The following DGLUCY variants were observed in gnomAD, a reference collection of about 807,000 sequenced individuals.
The protein encoded by DGLUCY is D-glutamate cyclase, mitochondrial.
Under a neutral mutation model 58.5 loss-of-function variants are expected in DGLUCY, and 58 were observed. The observed-to-expected ratio is 0.99, with a 90% CI of 0.80 to 1.23. DGLUCY has a LOEUF of 1.23. Ranked by LOEUF, DGLUCY falls within the 50% of genes most tolerant of loss-of-function variation. The pLI is 0.00. For missense variants in DGLUCY, 779 were observed against 784.7 expected (o/e 0.99, Z 0.09); for synonymous variants, 325 against 314.1 (o/e 1.03, Z -0.37).
chr14:91,149,035 G>A (rs2140291480), intron 1 of DGLUCY, among the ~76,000 whole-genome samples: 1 of 152,250 alleles, frequency 6.6e-6, no homozygotes, highest in South Asian at 2.1e-4. Context: ...ATCACCTGAG[G>A]TGGGGAGTTT....
Position 91,199,920 on chromosome 14 carries a change from CT to C in DGLUCY, c.1444+16del. 6.2e-7 allele frequency: 1 copy of C among 1,613,956 alleles called. No homozygotes were observed. Among genetic ancestry groups the C allele is most frequent in the Non-Finnish European group, 8.5e-7 (1 of 1,179,866 alleles). ...CTCATCAACTGGTAAGTATGGAGTA[CT>C]GGGGATGCACCAAGAACGTGGCCCC... On this transcript the variant is annotated intron_variant, in intron 11 of 13. Coordinates refer to ENST00000256324, the MANE Select transcript of DGLUCY (RefSeq NM_001102368.3).
At chr14:91,116,813 A>G (rs1468620435) in intron 1 of DGLUCY, among the ~76,000 whole-genome samples, 6 of 152,120 alleles carry the variant, frequency 3.9e-5, no homozygotes, top group South Asian at 2.1e-4. Context: ...GTGTGGTGGT[A>G]TGCACCTGTA....
intron 3 of DGLUCY, among the ~76,000 whole-genome samples, chr14:91,166,195 G>A (rs1032447670): frequency 1.3e-5 from 2 of 152,188 alleles, no homozygotes; most frequent in African/African-American, 4.8e-5. Context: ...GGTTACATGG[G>A]TGCATTCATT....
upstream of DGLUCY, among the ~76,000 whole-genome samples, chr14:91,111,200 ATATGTGTGTGTGTGTGTGTGTGTG>A (rs1425198174): frequency 6.3e-5 from 5 of 79,122 alleles, no homozygotes; most frequent in African/African-American, 1.5e-4. Flanking sequence ...TTATTTATAT[ATATGTGTGTGTGTGTGTGTGTGTG>A]TGTGTGTGTG....
chr14:91,080,663 G>A (rs114288669), intron 1 of DGLUCY, among the ~76,000 whole-genome samples: 2,685 of 151,798 alleles, frequency 0.018, 60 homozygotes, highest in African/African-American at 0.062. Context: ...GCCACCACAC[G>A]CAGCCCCAGA....
At chr14:91,192,299 C>T (rs541376122) in intron 9 of DGLUCY, among the ~76,000 whole-genome samples, 7 of 151,774 alleles carry the variant, frequency 4.6e-5, no homozygotes, top group African/African-American at 1.7e-4. Context: ...AGTAGGCAAA[C>T]TCATAGGGCA....
At chr14:91,150,298 G>T (rs981879647) in intron 1 of DGLUCY, among the ~76,000 whole-genome samples, 1 of 149,418 alleles carries the variant, frequency 6.7e-6, no homozygotes, top group Admixed American at 6.7e-5. Flanking sequence ...CAATATTAGC[G>T]CCTTCCTGTG....
At chr14:91,192,921 C>T (rs1244409916) in intron 9 of DGLUCY, among the ~76,000 whole-genome samples, 1 of 152,134 alleles carries the variant, frequency 6.6e-6, no homozygotes, top group Non-Finnish European at 1.5e-5. Context: ...ATTAGACACA[C>T]AGTGGAGAAG....
rs149088689 is a variant in DGLUCY, at chr14:91,172,866, C to T, written c.457-423C>T. Reference sequence around the variant, plus strand: ...TTCACCATGCTGGCCAGGCTGGTCTCGAACTCCTGACCTCGTGATCCGCCC... The same window carrying T: ...TTCACCATGCTGGCCAGGCTGGTCTTGAACTCCTGACCTCGTGATCCGCCC... On this transcript the variant is annotated intron_variant, in intron 5 of 13. Transcript: ENST00000256324. 4.9e-3 allele frequency among the ~76,000 whole-genome samples: 746 copies of T among 152,200 alleles called. 4 individuals are homozygous for T. The highest frequency in any genetic ancestry group is 0.016 in the African/African-American group (657 of 41,532).
rs562305191 is a variant in DGLUCY at position 91,123,509 on chromosome 14, G to C, written c.-82+9226G>C. The stretch of plus-strand genomic sequence containing the variant: ...TAAAAAAAAAAAGAATGAACTGTAT[G>C]CTTCCAGAAACGTTAAACTCTCACT... On this transcript the variant is annotated intron_variant, in intron 1 of 13. Coordinates refer to ENST00000256324, the MANE Select transcript of DGLUCY (RefSeq NM_001102368.3). 2.6e-5 allele frequency among the ~76,000 whole-genome samples: 4 copies of C among 151,912 alleles called. 1 individual carries two copies. The highest frequency in any genetic ancestry group is 9.7e-5 in the African/African-American group (4 of 41,408).
upstream of DGLUCY, among the ~76,000 whole-genome samples, chr14:91,105,141 C>G (rs1027140009): frequency 3.9e-5 from 6 of 152,110 alleles, no homozygotes; most frequent in East Asian, 1.9e-4. Flanking sequence ...ATGTTGAAAC[C>G]CTGTCTCTAC....
intron 1 of DGLUCY, among the ~76,000 whole-genome samples, chr14:91,101,087 A>G (rs543512753): frequency 6.6e-6 from 1 of 152,222 alleles, no homozygotes; most frequent in Admixed American, 6.5e-5. Flanking sequence ...AAAAAAAATT[A>G]TTTTATTGTG....
At chr14:91,079,423 C>T (rs989276101) in intron 1 of DGLUCY, among the ~76,000 whole-genome samples, 1 of 149,300 alleles carries the variant, frequency 6.7e-6, no homozygotes, top group South Asian at 2.1e-4. Context: ...GGTGCAGTCT[C>T]GCTCACTGCA....
At chr14:91,068,338 G>A (rs1181380917) in intron 1 of DGLUCY, among the ~76,000 whole-genome samples, 4 of 152,148 alleles carry the variant, frequency 2.6e-5, no homozygotes, top group African/African-American at 9.7e-5. Context: ...AGATTTCAGA[G>A]GGATGCGCAT....
upstream of DGLUCY, among the ~76,000 whole-genome samples, chr14:91,111,563 G>A (rs2140099630): frequency 6.6e-6 from 1 of 152,282 alleles, no homozygotes; most frequent in East Asian, 1.9e-4. Context: ...TTACAGGCAT[G>A]AGTCACTGTG....
chr14:91,201,674 G>A (rs1187509079), intron 11 of DGLUCY, among the ~76,000 whole-genome samples: 1 of 152,060 alleles, frequency 6.6e-6, no homozygotes, highest in East Asian at 1.9e-4. Flanking sequence ...GAACTCCTGA[G>A]CTCAAGCTAT....
intron 1 of DGLUCY, among the ~76,000 whole-genome samples, chr14:91,130,433 G>A (rs1463291825): frequency 1.3e-5 from 2 of 151,218 alleles, no homozygotes; most frequent in African/African-American, 4.9e-5. Context: ...TCAGCCTCCC[G>A]AGTAGCTGGG....
At chr14:91,080,824 C>T (rs2044111081) in intron 1 of DGLUCY, among the ~76,000 whole-genome samples, 1 of 152,100 alleles carries the variant, frequency 6.6e-6, no homozygotes, top group African/African-American at 2.4e-5. Context: ...AATATGAGTG[C>T]CTTTTGTGTG....
intron 1 of DGLUCY, among the ~76,000 whole-genome samples, chr14:91,077,440 AAGAG>A (rs1303977895): frequency 6.7e-6 from 1 of 149,332 alleles, no homozygotes; most frequent in Non-Finnish European, 1.5e-5. Flanking sequence ...GGAAGGAAGG[AAGAG>A]AGAGAGAACA....
Sources: gnomAD v4.1 joint callset for allele counts (sites outside exome capture counted in the v4.1 genomes callset) on GRCh38, gnomAD v4.1.1 for gene constraint, MANE v1.5 for transcripts, NCBI Gene and HGNC (gene_info 2026-07-23, HGNC 2026-07-21) for gene names.